Variants in CDH4 observed in about 807,000 individuals in gnomAD.
CDH4 encodes cadherin 4, also known as cadherin-4.
CDH4 carries 33 observed loss-of-function variants against 86.0 expected under a neutral mutation model. The ratio of observed to expected loss-of-function variants is 0.38; its 90% CI spans 0.29 to 0.51. The LOEUF is 0.51. Among genes scored for constraint, CDH4 ranks in the 20% least tolerant of loss-of-function variants. CDH4 has a pLI of 0.86. For missense variants in CDH4, 1,114 were observed against 1,307.4 expected, an observed-to-expected ratio of 0.85 and a Z score of 2.28; for synonymous variants, 555 against 549.4, an observed-to-expected ratio of 1.01 and a Z score of -0.14.
chr20:61,910,229 C>T (rs766760153), intron 8 of CDH4, among the ~76,000 whole-genome samples, 193 bp from the exon 9 acceptor site: 7 of 151,322 alleles, frequency 4.6e-5, no homozygotes, highest in African/African-American at 1.5e-4. Flanking sequence ...TGGGCCGACA[C>T]GTTGTGTTCT....
intron 2 of CDH4, among the ~76,000 whole-genome samples, chr20:61,679,746 C>T (rs757586859): frequency 2.6e-5 from 4 of 152,212 alleles, no homozygotes; most frequent in Non-Finnish European, 4.4e-5. Context: ...GTGTAGCTCC[C>T]GACTTAGGAA....
intron 2 of CDH4, among the ~76,000 whole-genome samples, chr20:61,438,280 C>T (rs1002569786): frequency 2.6e-5 from 4 of 152,094 alleles, no homozygotes; most frequent in Non-Finnish European, 4.4e-5. Context: ...AATAAACTCA[C>T]CAGGATGAAA....
intron 2 of CDH4, among the ~76,000 whole-genome samples, chr20:61,713,880 G>A (rs1169493271): frequency 6.6e-6 from 1 of 152,136 alleles, no homozygotes; most frequent in African/African-American, 2.4e-5. Context: ...AGGCGGGTGT[G>A]GGCATGGGAC....
chr20:61,445,913 C>T (rs80225029), intron 2 of CDH4, among the ~76,000 whole-genome samples: 2,740 of 152,320 alleles, frequency 0.018, 42 homozygotes, highest in African/African-American at 0.038. Flanking sequence ...TGGGCCAGTG[C>T]CTGGCGTCCT....
intron 4 of CDH4, among the ~76,000 whole-genome samples, chr20:61,809,490 T>A (rs530271034): frequency 1.3e-5 from 2 of 152,294 alleles, no homozygotes; most frequent in South Asian, 4.2e-4. Context: ...AAGATCAAAG[T>A]CCCAGTATGC....
At chr20:61,615,455 A>G (rs985129701) in intron 2 of CDH4, among the ~76,000 whole-genome samples, 3 of 152,288 alleles carry the variant, frequency 2.0e-5, no homozygotes, top group Non-Finnish European at 4.4e-5. Flanking sequence ...AATGTCCCAT[A>G]ATGAAAACAT....
intron 2 of CDH4, among the ~76,000 whole-genome samples, chr20:61,595,646 C>T (rs929350704): frequency 6.6e-6 from 1 of 152,162 alleles, no homozygotes; most frequent in Admixed American, 6.5e-5. Context: ...ATTTAGAGAA[C>T]GTTAGCCATG....
intron 2 of CDH4, among the ~76,000 whole-genome samples, chr20:61,384,505 G>A (rs1288436883): frequency 6.6e-6 from 1 of 152,252 alleles, no homozygotes; most frequent in East Asian, 1.9e-4. Context: ...CTGGATGTGT[G>A]GTTTGTCCTG....
chr20:61,274,163 GTTTGGGGGAGTACTGTGTGCAA>G (rs1402714458), intron 2 of CDH4, among the ~76,000 whole-genome samples: 3 of 135,210 alleles, frequency 2.2e-5, no homozygotes, highest in African/African-American at 8.5e-5. Context: ...ACCATGTGCA[GTTTGGGGGAGTACTGTGTGCAA>G]TTTGGGGAGT....
chr20:61,396,954 T>C (rs6142670), intron 2 of CDH4, among the ~76,000 whole-genome samples: 34,747 of 152,108 alleles, frequency 0.23, 4,034 homozygotes, highest in East Asian at 0.39. Flanking sequence ...TTTGTCACCC[T>C]GGCTGGAGTG....
intron 3 of CDH4, among the ~76,000 whole-genome samples, chr20:61,766,804 A>C (rs2088704446): frequency 1.3e-5 from 2 of 152,112 alleles, no homozygotes. Context: ...CCTGCCTGGC[A>C]AAGTCCTATT....
chr20:61,591,913 T>G (rs1323831040), intron 2 of CDH4, among the ~76,000 whole-genome samples: 1 of 152,206 alleles, frequency 6.6e-6, no homozygotes, highest in Admixed American at 6.5e-5. Context: ...AGACACAAAC[T>G]TTCCAAAATT....
At chr20:61,324,120 G>A (rs780391893) in intron 2 of CDH4, among the ~76,000 whole-genome samples, 7 of 152,156 alleles carry the variant, frequency 4.6e-5, no homozygotes, top group Non-Finnish European at 8.8e-5. Flanking sequence ...ATACTGAGTA[G>A]GGACCCAGAT....
At chr20:61,735,008 G>C (rs1159166894) in intron 2 of CDH4, among the ~76,000 whole-genome samples, 3 of 152,146 alleles carry the variant, frequency 2.0e-5, no homozygotes, top group African/African-American at 7.2e-5. Context: ...CCCTCCCTGT[G>C]GCCCCTCCCG....
chr20:61,800,212 GC>G (rs1979755284), intron 4 of CDH4, among the ~76,000 whole-genome samples: 1 of 152,244 alleles, frequency 6.6e-6, no homozygotes. Context: ...GTGCTGCAAA[GC>G]CCCGAAGACC....
intron 2 of CDH4, among the ~76,000 whole-genome samples, chr20:61,671,506 A>AT (rs2087386676): frequency 6.6e-6 from 1 of 152,102 alleles, no homozygotes; most frequent in African/African-American, 2.4e-5. Flanking sequence ...TAGAAAAAAA[A>AT]GAATAAGTGG....
chr20:61,561,255 C>G (rs2086214771), intron 2 of CDH4, among the ~76,000 whole-genome samples: 1 of 152,356 alleles, frequency 6.6e-6, no homozygotes, highest in Non-Finnish European at 1.5e-5. Flanking sequence ...ACAACCCACT[C>G]CTGTAGGATG....
chr20:61,866,605 T>A (rs1568857258), intron 6 of CDH4, among the ~76,000 whole-genome samples: 3 of 152,194 alleles, frequency 2.0e-5, no homozygotes, highest in Admixed American at 6.5e-5. Flanking sequence ...AGAAAGCCCA[T>A]CTGTGTTAAA....
chr20:61,677,678 C>A (rs527251987), intron 2 of CDH4, among the ~76,000 whole-genome samples: 1 of 151,114 alleles, frequency 6.6e-6, no homozygotes, highest in Non-Finnish European at 1.5e-5. Flanking sequence ...GGTGGGTGGA[C>A]AGACGGACGG....
Sources: gnomAD v4.1 joint callset for allele counts (sites outside exome capture counted in the v4.1 genomes callset) on GRCh38, gnomAD v4.1.1 for gene constraint, MANE v1.5 for transcripts, NCBI Gene and HGNC (gene_info 2026-07-23, HGNC 2026-07-21) for gene names.